Variants in SFXN4 observed in about 807,000 individuals in gnomAD.
SFXN4 encodes the protein sideroflexin-4.
Under a neutral mutation model 54.6 loss-of-function variants are expected in SFXN4, and 48 were observed. That is an observed-to-expected ratio of 0.88 (90% CI 0.70 to 1.12). The LOEUF (loss-of-function observed/expected upper bound fraction) is 1.12. Among genes scored for constraint, SFXN4 ranks in the 50% most tolerant of loss-of-function variants. The pLI is 0.00. For synonymous variants in SFXN4, 130 were observed against 145.5 expected (o/e 0.89, Z 0.77); for missense variants, 383 against 409.2 (o/e 0.94, Z 0.55).
chr10:119,165,709 AGCCCC>A lies in SFXN4; in HGVS notation c.-67_-63del. 1 of 1,290,484 alleles carries A rather than the reference AGCCCC, an allele frequency of 7.7e-7. No individual in the cohort carries two copies. The highest frequency in any genetic ancestry group is 1.6e-5 in the South Asian group (1 of 63,658). The allele number at this position is 1,290,484 out of a possible 1,614,324, so 79.9% of individuals were successfully genotyped here. ...CGCGTGGAGGAGGAGCCGGGCGGCG[AGCCCC>A]GCCCCGGGCCGCGCGCACCCGCAGT... is the stretch of plus-strand genomic sequence containing the variant. On this transcript the variant is annotated 5_prime_UTR_variant, in exon 1 of 14. Coordinates refer to ENST00000355697, the MANE Select transcript of SFXN4 (RefSeq NM_213649.2).
At chr10:119,147,723 A>T in intron 12 of SFXN4, 52 bp downstream of exon 12, 1 of 1,517,584 alleles carries the variant, frequency 6.6e-7, no homozygotes, top group Non-Finnish European at 9.1e-7. Context: ...GACAGGTTTT[A>T]TAAGGATTTG....
At chr10:119,160,205 G>A (rs1847462687) in intron 5 of SFXN4, among the ~76,000 whole-genome samples, 1 of 151,988 alleles carries the variant, frequency 6.6e-6, no homozygotes, top group African/African-American at 2.4e-5. Context: ...AATAAAGTAT[G>A]TACATAAAAT....
chr10:119,165,193 T>C (rs1419923234), intron 1 of SFXN4: 3 of 1,035,560 alleles, frequency 2.9e-6, no homozygotes, highest in Non-Finnish European at 3.5e-6. Flanking sequence ...CGAAAGTGGC[T>C]GAGCTTACCA....
intron 3 of SFXN4, among the ~76,000 whole-genome samples, chr10:119,161,427 C>CA (rs1254206919): frequency 8.6e-6 from 1 of 116,686 alleles, no homozygotes; most frequent in African/African-American, 3.7e-5. Context: ...ACAACAACAA[C>CA]AAAAAAAAAC....
At chr10:119,159,866 C>T in intron 5 of SFXN4, 113 bp from the exon 6 acceptor site, 3 of 1,104,356 alleles carry the variant, frequency 2.7e-6, no homozygotes, top group South Asian at 2.5e-5. Context: ...AAGGCACAGA[C>T]CTCAAAGGAC....
chr10:119,146,930 C>T (rs1221742103), intron 12 of SFXN4, among the ~76,000 whole-genome samples: 1 of 152,154 alleles, frequency 6.6e-6, no homozygotes, highest in East Asian at 1.9e-4. Flanking sequence ...AGCCTCGCCA[C>T]ACTGGTGGGG....
intron 8 of SFXN4, 32 bp from the exon 9 acceptor site, chr10:119,157,765 A>T: frequency 6.2e-7 from 1 of 1,604,390 alleles, no homozygotes; most frequent in Non-Finnish European, 8.5e-7. Flanking sequence ...TAATTAGCAA[A>T]TATCACAGTT....
chr10:119,152,095 G>A (rs1352189330), intron 11 of SFXN4, among the ~76,000 whole-genome samples: 1 of 151,966 alleles, frequency 6.6e-6, no homozygotes, highest in Admixed American at 6.6e-5. Context: ...AGGCATGAGT[G>A]AGCCACCATG....
chr10:119,157,828 A>G (rs747611129), intron 8 of SFXN4, 43 bp downstream of exon 8: 3 of 1,611,010 alleles, frequency 1.9e-6, no homozygotes, highest in Non-Finnish European at 2.5e-6. Flanking sequence ...CTCCAAAAGG[A>G]ATAACACAAA....
At chr10:119,160,588 CT>C (rs1199404439) in intron 5 of SFXN4, among the ~76,000 whole-genome samples, 30,607 of 116,024 alleles carry the variant, frequency 0.26, 2,950 homozygotes, top group East Asian at 0.43. Flanking sequence ...GTTTTCTTTT[CT>C]TTTTTTTTTT....
chr10:119,149,913 C>T (rs1049440179), intron 11 of SFXN4, among the ~76,000 whole-genome samples: 12 of 152,178 alleles, frequency 7.9e-5, no homozygotes, highest in Non-Finnish European at 1.3e-4. Context: ...CCAAGTGAGA[C>T]GCCGTCATTA....
intron 13 of SFXN4, among the ~76,000 whole-genome samples, chr10:119,142,256 T>C (rs1256855193): frequency 1.3e-5 from 2 of 152,200 alleles, no homozygotes; most frequent in African/African-American, 4.8e-5. Context: ...AACTCACATG[T>C]GCTCACTCAG....
intron 5 of SFXN4, among the ~76,000 whole-genome samples, chr10:119,160,022 A>C (rs1255552645): frequency 6.6e-6 from 1 of 151,836 alleles, no homozygotes; most frequent in Non-Finnish European, 1.5e-5. Flanking sequence ...CACCTCCATA[A>C]AAAATTTAAA....
In SFXN4 at chr10:119,146,333, T is replaced by A. The variant is rs749944766; in HGVS notation, c.839A>T (p.Asn280Ile). 26 of 1,611,700 alleles carry A rather than the reference T, an allele frequency of 1.6e-5. No homozygotes were observed. The Admixed American group carries it at 3.8e-4, about 24-fold the overall frequency. Reference sequence around the variant, plus strand: ...TTTCAAAATCCACAATGACCCTGGGTTTTTCCTGAAATACTGGGTCCTGTA... The same window carrying A: ...TTTCAAAATCCACAATGACCCTGGGATTTTCCTGAAATACTGGGTCCTGTA... The part of the protein sequence containing the change: ...FFKRTQYFRK[N>I]PGSLWILKLS... Residue 280 changes from asparagine to isoleucine, a missense_variant, in exon 13 of 14, where the codon AAC becomes ATC. Physicochemically the swap from Asn to Ile is moderately radical, Grantham distance 149. Transcript: ENST00000355697.
intron 13 of SFXN4, among the ~76,000 whole-genome samples, chr10:119,144,655 G>A (rs1293783618): frequency 6.6e-6 from 1 of 152,066 alleles, no homozygotes; most frequent in East Asian, 1.9e-4. Context: ...AGAAAACTAA[G>A]CAAGTTGACC....
chr10:119,151,340 G>C (rs920743808), intron 11 of SFXN4, among the ~76,000 whole-genome samples: 10 of 145,718 alleles, frequency 6.9e-5, no homozygotes, highest in Non-Finnish European at 1.3e-4. Flanking sequence ...TTGCACTCCA[G>C]CCTGGGCGAC....
At chr10:119,150,300 C>T (rs1182617197) in intron 11 of SFXN4, among the ~76,000 whole-genome samples, 5 of 152,074 alleles carry the variant, frequency 3.3e-5, no homozygotes, top group Admixed American at 6.6e-5. Context: ...GCTGGGGAGA[C>T]GGGGCTCTCA....
chr10:119,157,301 C>T (rs942537487), intron 9 of SFXN4, among the ~76,000 whole-genome samples: 4 of 151,574 alleles, frequency 2.6e-5, no homozygotes, highest in Non-Finnish European at 5.9e-5. Flanking sequence ...TGTGGTGGCA[C>T]GTGCCTGTAG....
intron 11 of SFXN4, 128 bp from the exon 12 acceptor site, chr10:119,147,988 T>A (rs1192478554): frequency 3.1e-6 from 2 of 654,272 alleles, no homozygotes; most frequent in African/African-American, 3.6e-5. Context: ...CTGGCCAACA[T>A]GGTGAAACCC....
Sources: gnomAD v4.1 joint callset for allele counts (sites outside exome capture counted in the v4.1 genomes callset) on GRCh38, gnomAD v4.1.1 for gene constraint, MANE v1.5 for transcripts, NCBI Gene and HGNC (gene_info 2026-07-23, HGNC 2026-07-21) for gene names.